The following TNKS variants were observed in gnomAD, a reference collection of about 807,000 sequenced individuals.
The protein encoded by TNKS is tankyrase.
TNKS carries 72 observed loss-of-function variants against 135.8 expected under a neutral mutation model. That is an observed-to-expected ratio of 0.53 (90% CI 0.44 to 0.64). The LOEUF is 0.64. Ranked by LOEUF, TNKS falls within the 30% of genes least tolerant of loss-of-function variation. The probability of loss-of-function intolerance (pLI) is 0.00; values close to 1 mark genes in which losing one functional copy is unlikely to be tolerated. For missense variants in TNKS, 1,769 were observed against 1,674.0 expected, an observed-to-expected ratio of 1.06 and a Z score of -0.99; for synonymous variants, 849 against 649.3, an observed-to-expected ratio of 1.31 and a Z score of -4.68.
chr8:9,556,811 C>T, intron 1 of TNKS, 199 bp downstream of exon 1: 1 of 580,288 alleles, frequency 1.7e-6, no homozygotes, highest in Admixed American at 3.0e-5. Context: ...TAAGTGAATC[C>T]AAGGAATTCT....
intron 3 of TNKS, among the ~76,000 whole-genome samples, chr8:9,616,317 T>C (rs1799643490): frequency 6.6e-6 from 1 of 152,098 alleles, no homozygotes; most frequent in South Asian, 2.1e-4. Context: ...ATATAGAAAA[T>C]AGTGCTCTAA....
At chr8:9,649,247 C>T (rs979896762) in intron 3 of TNKS, among the ~76,000 whole-genome samples, 8 of 152,170 alleles carry the variant, frequency 5.3e-5, no homozygotes, top group Admixed American at 3.3e-4. Flanking sequence ...AAAGTTTTGA[C>T]AGCAGTCAGT....
At chr8:9,661,658 C>T (rs964730442) in intron 3 of TNKS, among the ~76,000 whole-genome samples, 21 of 152,140 alleles carry the variant, frequency 1.4e-4, no homozygotes, top group South Asian at 4.1e-4. Context: ...CAATACCATT[C>T]GGGACATAGG....
rs1207104559 is a variant in TNKS, at chr8:9,769,305, C to T, written c.3741-801C>T. On this transcript the variant is annotated intron_variant, in intron 25 of 26. Coordinates refer to ENST00000310430, the MANE Select transcript of TNKS (RefSeq NM_003747.3). ...TGGTGTATATAATAGACTTTCTTCC[C>T]AGTCAGTCTTTCTTACTCTGTGATA... Among the ~76,000 whole-genome samples the T allele has an allele frequency of 2.6e-5, 4 of 152,168 alleles. No homozygotes were observed. In the East Asian group the frequency reaches 7.7e-4, roughly 29 times the overall value.
chr8:9,614,230 G>A (rs950829916), intron 2 of TNKS, among the ~76,000 whole-genome samples: 8 of 152,148 alleles, frequency 5.3e-5, no homozygotes, highest in Non-Finnish European at 1.2e-4. Context: ...TGTGGCACTC[G>A]CCATTTTATT....
intron 2 of TNKS, among the ~76,000 whole-genome samples, chr8:9,603,429 CT>C (rs1488068769): frequency 1.3e-5 from 2 of 152,218 alleles, no homozygotes; most frequent in African/African-American, 4.8e-5. Flanking sequence ...GAATGCGATA[CT>C]CACATGTGGC....
rs913028935 is a variant in TNKS, at chr8:9,765,435, A to AT, written c.3448-246dup. 3.3e-3 allele frequency among the ~76,000 whole-genome samples: 481 copies of AT among 146,986 alleles called. 3 individuals carry two copies. Among genetic ancestry groups the AT allele is most frequent in the African/African-American group, 0.01 (414 of 40,232 alleles). Reference sequence around the variant, plus strand: ...ATGCCTAAACATAACCTTTTTACCTATTTTTTTTTTTAATCCTGAGGTGAT... The same window carrying AT: ...ATGCCTAAACATAACCTTTTTACCTATTTTTTTTTTTTAATCCTGAGGTGAT... On this transcript the variant is annotated intron_variant, in intron 23 of 26. Coordinates refer to ENST00000310430, the MANE Select transcript of TNKS (RefSeq NM_003747.3).
chr8:9,723,300 C>G (rs1804994488), intron 12 of TNKS, among the ~76,000 whole-genome samples: 1 of 151,966 alleles, frequency 6.6e-6, no homozygotes, highest in Non-Finnish European at 1.5e-5. Flanking sequence ...AACCCAATAT[C>G]AGGTTATATC....
intron 11 of TNKS, among the ~76,000 whole-genome samples, chr8:9,719,764 GTC>G (rs1406009281): frequency 3.3e-5 from 5 of 152,114 alleles, no homozygotes; most frequent in Non-Finnish European, 7.4e-5. Flanking sequence ...GTTTCACATT[GTC>G]TTAAGCAGTC....
intron 1 of TNKS, among the ~76,000 whole-genome samples, chr8:9,562,639 C>G (rs1263499767): frequency 6.6e-6 from 1 of 152,164 alleles, no homozygotes; most frequent in Non-Finnish European, 1.5e-5. Context: ...TAATCTACCT[C>G]ATTAACTAAT....
intron 9 of TNKS, 143 bp from the exon 10 acceptor site, chr8:9,709,812 A>G (rs1804232727): frequency 1.5e-6 from 1 of 648,890 alleles, no homozygotes; most frequent in Non-Finnish European, 2.7e-6. Flanking sequence ...AATATGGATC[A>G]TCTCTGTGAT....
chr8:9,623,808 C>T lies in TNKS; in HGVS notation c.994+8131C>T, dbSNP rs1377349604. On this transcript the variant is annotated intron_variant, in intron 3 of 26. Transcript: ENST00000310430. ...CTTGAGGCCAGGAGTTCAAGACCAG[C>T]CTGGCCAACATGGTGAAACCCCGTC... 3.3e-5 allele frequency among the ~76,000 whole-genome samples: 5 copies of T among 152,084 alleles called. No individual in the cohort carries two copies. In the East Asian group the frequency reaches 9.6e-4, roughly 29 times the overall value.
intron 3 of TNKS, among the ~76,000 whole-genome samples, chr8:9,653,713 A>G (rs940545730): frequency 4.7e-4 from 72 of 152,168 alleles, no homozygotes; most frequent in Non-Finnish European, 9.4e-4. Context: ...TATATTGCCA[A>G]CTAAATTTCA....
At chr8:9,700,801 T>G (rs1410291952) in intron 5 of TNKS, among the ~76,000 whole-genome samples, 1 of 152,232 alleles carries the variant, frequency 6.6e-6, no homozygotes, top group African/African-American at 2.4e-5. Context: ...CAGAGCCTGC[T>G]AATTTATTTG....
intron 25 of TNKS, among the ~76,000 whole-genome samples, chr8:9,768,452 G>C (rs949590545): frequency 1.3e-5 from 2 of 152,212 alleles, no homozygotes; most frequent in African/African-American, 4.8e-5. Flanking sequence ...TCTTGCATTT[G>C]TCAAAATTTG....
At chr8:9,776,153 T>A (rs1194661119) in intron 26 of TNKS, among the ~76,000 whole-genome samples, 1 of 152,222 alleles carries the variant, frequency 6.6e-6, no homozygotes, top group African/African-American at 2.4e-5. Flanking sequence ...TTTTTAAATA[T>A]TGTTCCCAAA....
rs1351882448 is a variant in TNKS at position 9,733,314 on chromosome 8, G to A, written c.2183G>A (p.Gly728Glu). Residue 728 changes from glycine (G) to glutamate (E), a missense_variant, in exon 15 of 27, where the codon GGA becomes GAA. Coordinates refer to ENST00000310430, the MANE Select transcript of TNKS (RefSeq NM_003747.3). The part of the protein sequence containing the change: ...LVPLHNACSY[G>E]HYEVAELLVR... ...CCCCTTCATAATGCCTGTTCATATG[G>A]ACACTATGAGGTGGCTGAGCTTTTA... is the stretch of plus-strand genomic sequence containing the variant. 1 of 1,594,804 alleles carries A rather than the reference G, an allele frequency of 6.3e-7. No homozygotes were observed. The highest frequency in any genetic ancestry group is 1.4e-5 in the African/African-American group (1 of 73,394).
At position 9,776,883 on chromosome 8, in the gene TNKS, T is replaced by G; in HGVS notation, c.*147T>G. 1 of 691,006 alleles carries G rather than the reference T, an allele frequency of 1.4e-6. No individual in the cohort carries two copies. 42.8% of individuals were successfully genotyped at this position (691,006 alleles called of 1,614,324 possible). Reference sequence around the variant, plus strand: ...CTTCTATAAAGCATTGCTATAGTGATGAATAGTATGAGTAACTGATACATA... The same window carrying G: ...CTTCTATAAAGCATTGCTATAGTGAGGAATAGTATGAGTAACTGATACATA... On this transcript the variant is annotated 3_prime_UTR_variant, in exon 27 of 27. Coordinates refer to ENST00000310430, the MANE Select transcript of TNKS (RefSeq NM_003747.3).
intron 3 of TNKS, among the ~76,000 whole-genome samples, chr8:9,621,813 A>G (rs560457179): frequency 4.2e-4 from 64 of 152,308 alleles, no homozygotes; most frequent in African/African-American, 1.4e-3. Context: ...AAGCAGAAAT[A>G]AATCTTACCT....
Sources: allele counts gnomAD v4.1 joint callset (sites outside exome capture counted in the v4.1 genomes callset), GRCh38; gene constraint gnomAD v4.1.1; transcripts MANE v1.5; gene names NCBI Gene and HGNC (gene_info 2026-07-23, HGNC 2026-07-21).